CFAP97D1: variants seen among roughly 807,000 people sequenced by gnomAD.
The protein encoded by CFAP97D1 is sperm axonemal maintenance protein CFAP97D1.
Under a neutral mutation model 20.5 loss-of-function variants are expected in CFAP97D1, and 15 were observed. The ratio of observed to expected loss-of-function variants is 0.73; its 90% CI spans 0.49 to 1.13. The LOEUF (loss-of-function observed/expected upper bound fraction) is 1.13, where lower values mean the gene tolerates loss of function less well. CFAP97D1 is among the 50% of genes most tolerant of loss of function. The pLI is 0.00. For synonymous variants in CFAP97D1, 58 were observed against 71.2 expected (o/e 0.82, Z 0.93); for missense variants, 168 against 202.9 (o/e 0.83, Z 1.04).
At chr17:43,783,000 G>A (rs887963065) in intron 3 of CFAP97D1, 180 bp from the exon 4 acceptor site, 1 of 650,816 alleles carries the variant, frequency 1.5e-6, no homozygotes, top group Non-Finnish European at 2.6e-6. Context: ...CGAATGCGGT[G>A]CATGTTTCCC....
intron 2 of CFAP97D1, 138 bp downstream of exon 2, chr17:43,781,327 G>C: frequency 1.4e-6 from 1 of 700,996 alleles, no homozygotes; most frequent in Non-Finnish European, 2.4e-6. Context: ...CTCCCCACGC[G>C]TCACCCCCAG....
intron 2 of CFAP97D1, among the ~76,000 whole-genome samples, chr17:43,781,400 G>C (rs369841881): frequency 6.6e-6 from 1 of 151,202 alleles, no homozygotes; most frequent in Non-Finnish European, 1.5e-5. Context: ...GCACAATCTC[G>C]GCTCACTGCA....
In CFAP97D1 at chr17:43,781,778, A is replaced by G. The variant is rs1034651706; in HGVS notation, c.200A>G (p.Glu67Gly). Residue 67 changes from glutamate to glycine, a missense_variant, in exon 3 of 6, where the codon GAA becomes GGA. Transcript: ENST00000449302. The part of the protein sequence containing the change: ...HILKLSKLQG[E>G]QKKINKIEYE... ...TGAGGTGTGGTTTCTTACCAGGGTG[A>G]ACAAAAGAAAATCAACAAAATCGAG... 5.2e-6 allele frequency: 8 copies of G among 1,549,732 alleles called. No homozygotes were observed. The highest frequency in any genetic ancestry group is 6.1e-6 in the Non-Finnish European group (7 of 1,145,186).
rs1402962119 is a variant in CFAP97D1, at chr17:43,781,798, A to G, written c.220A>G (p.Ile74Val). ...LQGEQKKINK[I>V]EYENKQLCQK... ...GGGTGAACAAAAGAAAATCAACAAAATCGAGTATGAAAACAAGCAACTGTG... is the reference window on the plus strand; with the variant it reads ...GGGTGAACAAAAGAAAATCAACAAAGTCGAGTATGAAAACAAGCAACTGTG... Residue 74 changes from isoleucine (I) to valine (V), a missense_variant, in exon 3 of 6, where the codon ATC (isoleucine) becomes GTC (valine). By Grantham distance (29) the Ile-to-Val change is conservative. Transcript: ENST00000449302. 6.4e-7 allele frequency: 1 copy of G among 1,551,376 alleles called. No individual in the cohort carries two copies. Among genetic ancestry groups the G allele is most frequent in the Non-Finnish European group, 8.7e-7 (1 of 1,146,860 alleles).
At position 43,783,830 on chromosome 17, in the gene CFAP97D1, C is replaced by T; in HGVS notation, c.439-7C>T. On this transcript the variant is annotated splice_region_variant and splice_polypyrimidine_tract_variant and intron_variant, in intron 4 of 5. Coordinates refer to ENST00000449302, the MANE Select transcript of CFAP97D1 (RefSeq NM_001136483.3). ...GCATTGACATAAACCAATTTTTTTC[C>T]TTCAAGAATTCAAGGCGCTATATCA... 6.5e-7 allele frequency: 1 copy of T among 1,548,484 alleles called. No individual in the cohort carries two copies. Among genetic ancestry groups the T allele is most frequent in the Admixed American group, 2.0e-5 (1 of 50,816 alleles).
At chr17:43,781,071 T>C in intron 1 of CFAP97D1, 48 bp from the exon 2 acceptor site, 1 of 1,433,278 alleles carries the variant, frequency 7.0e-7, no homozygotes, top group Non-Finnish European at 9.6e-7. Context: ...AGGCCGCTAC[T>C]GGAATTCCTG....
chr17:43,783,362 TAGAG>T (rs528670389), intron 4 of CFAP97D1, 59 bp downstream of exon 4: 1 of 1,535,748 alleles, frequency 6.5e-7, no homozygotes. Context: ...GTGTTCAGCC[TAGAG>T]AGAGTCTCAG....
intron 1 of CFAP97D1, 49 bp from the exon 2 acceptor site, chr17:43,781,070 C>T (rs1178633184): frequency 8.4e-6 from 12 of 1,425,424 alleles, no homozygotes; most frequent in East Asian, 2.5e-5. Context: ...GAGGCCGCTA[C>T]TGGAATTCCT....
rs922159423 is a variant in CFAP97D1, at chr17:43,785,515, C to G, written c.*1133C>G. The G allele has an allele frequency of 6.6e-6, 1 of 151,834 alleles. No individual in the cohort carries two copies. The highest frequency in any genetic ancestry group is 1.5e-5 in the Non-Finnish European group (1 of 68,120). The allele number at this position is 151,834 out of a possible 1,614,324, so 9.4% of individuals were successfully genotyped here. ...TCTCAGCTCACTGCAACCTCCGCCTCCTGGGTTCAAGCGATTCTCCTGCCT... is the reference window on the plus strand; with the variant it reads ...TCTCAGCTCACTGCAACCTCCGCCTGCTGGGTTCAAGCGATTCTCCTGCCT... On this transcript the variant is annotated 3_prime_UTR_variant, in exon 6 of 6. Coordinates refer to ENST00000449302, the MANE Select transcript of CFAP97D1 (RefSeq NM_001136483.3).
At position 43,780,599 on chromosome 17, in the gene CFAP97D1, T is replaced by C; in HGVS notation, c.124+13T>C. On this transcript the variant is annotated intron_variant, in intron 1 of 5. Transcript: ENST00000449302. ...AGAATACAAATAGGTATGTGGGCAG[T>C]TTGGGCTGGACACTGCTATTAGGGA... 1 of 1,551,628 alleles carries C rather than the reference T, an allele frequency of 6.4e-7. No homozygotes were observed. The highest frequency in any genetic ancestry group is 1.2e-5 in the South Asian group (1 of 84,062).
At chr17:43,780,679 T>C in intron 1 of CFAP97D1, 93 bp downstream of exon 1, 1 of 1,404,178 alleles carries the variant, frequency 7.1e-7, no homozygotes, top group Non-Finnish European at 9.7e-7. Context: ...AGGTCACAGC[T>C]TTGGGATGAT....
Position 43,781,149 on chromosome 17 carries a change from T to A in CFAP97D1, c.155T>A (p.Val52Glu). 1 of 1,551,638 alleles carries A rather than the reference T, an allele frequency of 6.4e-7. No homozygotes were observed. Among genetic ancestry groups the A allele is most frequent in the South Asian group, 1.2e-5 (1 of 84,062 alleles). Reference protein sequence around the residue: ...AKPTVDTKPPVAHTNHILKLS... With the variant: ...AKPTVDTKPPEAHTNHILKLS... Reference sequence around the variant, plus strand: ...CCTACTGTTGATACCAAACCTCCAGTGGCGCACACAAATCACATTTTAAAA... The same window carrying A: ...CCTACTGTTGATACCAAACCTCCAGAGGCGCACACAAATCACATTTTAAAA... The change falls in exon 2 of 6, where the codon GTG (valine) becomes GAG (glutamate). Residue 52 changes from valine to glutamate, a missense_variant. Coordinates refer to ENST00000449302, the MANE Select transcript of CFAP97D1 (RefSeq NM_001136483.3).
chr17:43,783,821 A>AT lies in CFAP97D1; in HGVS notation c.439-9dup, dbSNP rs762447809. 5 of 1,546,336 alleles carry AT rather than the reference A, an allele frequency of 3.2e-6. No homozygotes were observed. Among genetic ancestry groups the AT allele is most frequent in the African/African-American group, 1.4e-5 (1 of 72,820 alleles). On this transcript the variant is annotated splice_polypyrimidine_tract_variant and intron_variant, in intron 4 of 5. Transcript: ENST00000449302. ...AATGCCCTGGCATTGACATAAACCAATTTTTTTCCTTCAAGAATTCAAGGC... is the reference window on the plus strand; with the variant it reads ...AATGCCCTGGCATTGACATAAACCAATTTTTTTTCCTTCAAGAATTCAAGGC...
chr17:43,780,636 T>C lies in CFAP97D1; in HGVS notation c.124+50T>C, dbSNP rs9908083. 1,602 of 1,547,948 alleles carry C rather than the reference T, an allele frequency of 1.0e-3. 6 individuals carry two copies. In the African/African-American group the frequency reaches 0.015, roughly 15 times the overall value. ...ACTGCTATTAGGGATTTTGGAATGG[T>C]ACCCCATAAAGAGATCAACAGGAAA... On this transcript the variant is annotated intron_variant, in intron 1 of 5. Transcript: ENST00000449302.
rs977734320 is a variant in CFAP97D1, at chr17:43,783,307, C to T, written c.438+4C>T. On this transcript the variant is annotated splice_donor_region_variant and intron_variant, in intron 4 of 5. Transcript: ENST00000449302. ...GGCATCTGAGATAGACTGGCAGGCACGTGGGCACTCATGTTATACTCCCAG... is the reference window on the plus strand; with the variant it reads ...GGCATCTGAGATAGACTGGCAGGCATGTGGGCACTCATGTTATACTCCCAG... The T allele has an allele frequency of 5.2e-6, 8 of 1,550,944 alleles. No individual in the cohort carries two copies. The highest frequency in any genetic ancestry group is 3.9e-5 in the Admixed American group (2 of 50,946).
chr17:43,784,015 G>T, intron 5 of CFAP97D1, 122 bp downstream of exon 5: 2 of 648,388 alleles, frequency 3.1e-6, no homozygotes, highest in Non-Finnish European at 2.6e-6. Context: ...ATATAATATT[G>T]ACTAGTCTTC....
chr17:43,781,115 C>G lies in CFAP97D1; in HGVS notation c.125-4C>G. 6.4e-7 allele frequency: 1 copy of G among 1,550,520 alleles called. No homozygotes were observed. The highest frequency in any genetic ancestry group is 8.7e-7 in the Non-Finnish European group (1 of 1,145,960). On this transcript the variant is annotated splice_polypyrimidine_tract_variant and splice_region_variant and intron_variant, in intron 1 of 5. Transcript: ENST00000449302. ...CATTGTTCCCTTTTATCCCCCTTCT[C>G]TAGCGAAGCCTACTGTTGATACCAA... is the stretch of plus-strand genomic sequence containing the variant.
Position 43,780,457 on chromosome 17 carries a change from G to C in CFAP97D1, c.-6G>C, listed in dbSNP as rs962417170. The C allele has an allele frequency of 5.8e-6, 9 of 1,551,714 alleles. No individual in the cohort carries two copies. Among genetic ancestry groups the C allele is most frequent in the Non-Finnish European group, 7.8e-6 (9 of 1,146,986 alleles). ...CTCATTTCTGAAGTGAGACTAGGAA[G>C]AGAAGATGAACAATTCCCTGGATTA... On this transcript the variant is annotated 5_prime_UTR_variant, in exon 1 of 6. Coordinates refer to ENST00000449302, the MANE Select transcript of CFAP97D1 (RefSeq NM_001136483.3).
intron 2 of CFAP97D1, 62 bp downstream of exon 2, chr17:43,781,251 T>C: frequency 7.3e-7 from 1 of 1,368,774 alleles, no homozygotes; most frequent in Non-Finnish European, 1.0e-6. Flanking sequence ...GTCTGTTTCC[T>C]AAAGAGGTTC....
Sources: gnomAD v4.1 joint callset for allele counts (sites outside exome capture counted in the v4.1 genomes callset) on GRCh38, gnomAD v4.1.1 for gene constraint, MANE v1.5 for transcripts, NCBI Gene and HGNC (gene_info 2026-07-23, HGNC 2026-07-21) for gene names.